The following DOCK5 variants were observed in gnomAD, a reference collection of about 807,000 sequenced individuals.
The protein encoded by DOCK5 is dedicator of cytokinesis protein 5.
DOCK5 carries 142 observed loss-of-function variants against 251.8 expected under a neutral mutation model. The observed-to-expected ratio is 0.56, with a 90% CI of 0.49 to 0.65. The LOEUF (loss-of-function observed/expected upper bound fraction) is 0.65. DOCK5 is among the 30% of genes least tolerant of loss of function. The pLI, the probability that DOCK5 is intolerant of heterozygous loss-of-function variation, is 0.00. For synonymous variants in DOCK5, 842 were observed against 835.5 expected (o/e 1.01, Z -0.13); for missense variants, 2,111 against 2,312.3 (o/e 0.91, Z 1.79).
intron 2 of DOCK5, among the ~76,000 whole-genome samples, chr8:25,248,300 G>A (rs1586263150): frequency 6.6e-6 from 1 of 152,178 alleles, no homozygotes; most frequent in East Asian, 1.9e-4. Flanking sequence ...GGCAAGGGCC[G>A]GAGTGCTTTG....
chr8:25,287,886 C>G (rs899474976), intron 5 of DOCK5, among the ~76,000 whole-genome samples: 1 of 138,840 alleles, frequency 7.2e-6, no homozygotes, highest in Admixed American at 7.3e-5. Context: ...AGCATATGCT[C>G]TTTTTTTTTT....
chr8:25,225,194 C>G (rs890086224), intron 1 of DOCK5, among the ~76,000 whole-genome samples: 2 of 152,140 alleles, frequency 1.3e-5, no homozygotes, highest in African/African-American at 2.4e-5. Flanking sequence ...TGTGGTAGTT[C>G]CTCCAAAAAT....
In DOCK5 at chr8:25,372,735, C is replaced by A; in HGVS notation, c.3684+17C>A. 2.5e-6 allele frequency: 4 copies of A among 1,605,168 alleles called. No individual in the cohort carries two copies. Among genetic ancestry groups the A allele is most frequent in the Non-Finnish European group, 3.4e-6 (4 of 1,176,106 alleles). ...AACGTGCTGGTATGTGACATGCCTC[C>A]GGTGTGATGGGAGGGTACTGTCAGG... On this transcript the variant is annotated intron_variant, in intron 35 of 51. Coordinates refer to ENST00000276440, the MANE Select transcript of DOCK5 (RefSeq NM_024940.8).
intron 31 of DOCK5, among the ~76,000 whole-genome samples, chr8:25,367,746 A>G (rs1321148068): frequency 6.6e-6 from 1 of 152,062 alleles, no homozygotes; most frequent in Non-Finnish European, 1.5e-5. Flanking sequence ...AGAGCCTTCC[A>G]ATGTGAATAT....
chr8:25,234,354 G>T (rs549736662), intron 1 of DOCK5, among the ~76,000 whole-genome samples: 2 of 152,170 alleles, frequency 1.3e-5, no homozygotes, highest in East Asian at 3.9e-4. Context: ...CTTAATCTTA[G>T]ATCTGTTCAC....
chr8:25,260,898 A>G (rs6996232), intron 2 of DOCK5, among the ~76,000 whole-genome samples: 34,214 of 151,552 alleles, frequency 0.23, 5,084 homozygotes, highest in African/African-American at 0.41. Context: ...TGGGCTCAAG[A>G]GATCCTCTGA....
intron 40 of DOCK5, among the ~76,000 whole-genome samples, chr8:25,385,419 G>A (rs1586384449): frequency 6.6e-6 from 1 of 152,154 alleles, no homozygotes; most frequent in African/African-American, 2.4e-5. Context: ...TGAGGTCACA[G>A]CCATCTGATG....
In DOCK5 at chr8:25,295,395, A is replaced by AAT. The variant is rs1554534688; in HGVS notation, c.471-1117_471-1116insTA. On this transcript the variant is annotated intron_variant, in intron 6 of 51. Coordinates refer to ENST00000276440, the MANE Select transcript of DOCK5 (RefSeq NM_024940.8). ...TTTAAGGCTGTCTCTAAAAAAAATA[A>AAT]AAATAAATAAATTCTCACAACAACC... Among the ~76,000 whole-genome samples, 238 of 152,204 alleles carry AAT rather than the reference A, an allele frequency of 1.6e-3. 1 individual carries two copies. The highest frequency in any genetic ancestry group is 0.01 in the Middle Eastern group (3 of 294).
chr8:25,346,753 G>A (rs1216307027), intron 26 of DOCK5, among the ~76,000 whole-genome samples: 1 of 150,582 alleles, frequency 6.6e-6, no homozygotes. Context: ...GAACCTGGGA[G>A]GCGGAGGTTG....
In DOCK5 at chr8:25,320,988, T is replaced by G. The variant is rs1423157276; in HGVS notation, c.1551T>G (p.Ile517Met). The change falls in exon 16 of 52, where the codon ATT becomes ATG. Residue 517 changes from isoleucine to methionine, a missense_variant. By Grantham distance (10) the Ile-to-Met change is conservative. Coordinates refer to ENST00000276440, the MANE Select transcript of DOCK5 (RefSeq NM_024940.8). The stretch of plus-strand genomic sequence containing the variant: ...TTCTTACTATGACACAGGTATCCAT[T>G]GCTATAGAAGAAGTCACACGCTGTC... ...PCWYETVKVS[I>M]AIEEVTRCHI... 1.2e-6 allele frequency: 2 copies of G among 1,613,242 alleles called. No homozygotes were observed. Among genetic ancestry groups the G allele is most frequent in the South Asian group, 2.2e-5 (2 of 91,000 alleles).
At chr8:25,326,502 C>A (rs538692892) in intron 18 of DOCK5, among the ~76,000 whole-genome samples, 3 of 152,266 alleles carry the variant, frequency 2.0e-5, no homozygotes, top group Non-Finnish European at 4.4e-5. Flanking sequence ...TAGGGCTAAT[C>A]CGTATGTGCA....
intron 1 of DOCK5, among the ~76,000 whole-genome samples, chr8:25,223,904 G>A (rs546880295): frequency 1.3e-4 from 20 of 152,284 alleles, no homozygotes; most frequent in African/African-American, 4.8e-4. Context: ...ATAACAGACA[G>A]TTTCCCTGAC....
At chr8:25,336,900 T>C (rs1805825098) in intron 22 of DOCK5, among the ~76,000 whole-genome samples, 1 of 152,170 alleles carries the variant, frequency 6.6e-6, no homozygotes, top group African/African-American at 2.4e-5. Flanking sequence ...ACAACCCCAG[T>C]GACTTTCCTA....
At chr8:25,308,521 C>T (rs1408301298) in intron 11 of DOCK5, among the ~76,000 whole-genome samples, 6 of 152,148 alleles carry the variant, frequency 3.9e-5, no homozygotes, top group Non-Finnish European at 8.8e-5. Flanking sequence ...AGTGTTGCCT[C>T]TGATTTTAGT....
rs563099719 is a variant in DOCK5, at chr8:25,277,000, G to A, written c.224+1559G>A. On this transcript the variant is annotated intron_variant, in intron 4 of 51. Transcript: ENST00000276440. ...TCCTTATTAACACTGCTAAAATTAT[G>A]TTCACATGTTTTACTTTGTGTGGGA... 2.6e-5 allele frequency: 4 copies of A among 152,180 alleles called. No individual in the cohort carries two copies. The East Asian group carries it at 7.8e-4, about 29-fold the overall frequency. The allele number at this position is 152,180 out of a possible 1,614,324, so 9.4% of individuals were successfully genotyped here.
chr8:25,387,607 G>C (rs1801187208), intron 40 of DOCK5, among the ~76,000 whole-genome samples: 1 of 152,096 alleles, frequency 6.6e-6, no homozygotes, highest in African/African-American at 2.4e-5. Flanking sequence ...TGCATCTCCT[G>C]CCTTCCAGAA....
Position 25,368,200 on chromosome 8 carries a change from A to G in DOCK5, c.3233A>G (p.Asp1078Gly), listed in dbSNP as rs1301186649. The change falls in exon 32 of 52, where the codon GAC becomes GGC. Residue 1078 changes from aspartate to glycine, a missense_variant. By Grantham distance (94) the Asp-to-Gly change is moderately conservative. Coordinates refer to ENST00000276440, the MANE Select transcript of DOCK5 (RefSeq NM_024940.8). Reference sequence around the variant, plus strand: ...TATGATCTTCTTCCTAGATATGGGGACATGAGAAAGGAAATCGGCTTTAGA... The same window carrying G: ...TATGATCTTCTTCCTAGATATGGGGGCATGAGAAAGGAAATCGGCTTTAGA... The part of the protein sequence containing the change: ...KRNKIVKKYG[D>G]MRKEIGFRIR... The G allele has an allele frequency of 2.5e-6, 4 of 1,612,322 alleles. No homozygotes were observed. The highest frequency in any genetic ancestry group is 3.4e-6 in the Non-Finnish European group (4 of 1,179,074).
At chr8:25,200,236 C>A (rs1801848373) in intron 1 of DOCK5, among the ~76,000 whole-genome samples, 1 of 152,164 alleles carries the variant, frequency 6.6e-6, no homozygotes, top group Non-Finnish European at 1.5e-5. Context: ...AATGCACATA[C>A]CCTTTGACTT....
intron 2 of DOCK5, among the ~76,000 whole-genome samples, chr8:25,267,754 G>A (rs1203489833): frequency 6.6e-6 from 1 of 152,130 alleles, no homozygotes; most frequent in African/African-American, 2.4e-5. Context: ...CCTACAGTAG[G>A]TGTTCAGCAA....
Sources: allele counts gnomAD v4.1 joint callset (sites outside exome capture counted in the v4.1 genomes callset), GRCh38; gene constraint gnomAD v4.1.1; transcripts MANE v1.5; gene names NCBI Gene and HGNC (gene_info 2026-07-23, HGNC 2026-07-21).